Variants in AGBL4 observed in about 807,000 individuals in gnomAD.
AGBL4 encodes cytosolic carboxypeptidase 6.
A neutral mutation model predicts 66.4 loss-of-function variants in AGBL4; 58 were observed. The ratio of observed to expected loss-of-function variants is 0.87; its 90% confidence interval spans 0.71 to 1.09. The LOEUF (loss-of-function observed/expected upper bound fraction) is 1.09, where lower values mean the gene tolerates loss of function less well. Among genes scored for constraint, AGBL4 ranks in the 50% least tolerant of loss-of-function variants. The pLI is 0.00. For missense variants in AGBL4, 579 were observed against 631.0 expected, an observed-to-expected ratio of 0.92 and a Z score of 0.88; for synonymous variants, 234 against 222.9, an observed-to-expected ratio of 1.05 and a Z score of -0.44.
rs763236481 is a variant in AGBL4 at position 48,867,180 on chromosome 1, C to A, written c.634+11G>T. 9.9e-6 allele frequency: 16 copies of A among 1,613,154 alleles called. No individual in the cohort carries two copies. In the African/African-American group the frequency reaches 2.0e-4, roughly 20 times the overall value. On this transcript the variant is annotated intron_variant, in intron 6 of 13. Transcript: ENST00000371839. ...GGGAAAAGCAAAGGCAGAAGGGCCA[C>A]GCCTACTCACCAGGGCTGGTTATCG...
intron 8 of AGBL4, among the ~76,000 whole-genome samples, chr1:48,650,976 C>T (rs1031178226): frequency 8.5e-5 from 13 of 152,248 alleles, no homozygotes; most frequent in Non-Finnish European, 1.6e-4. Flanking sequence ...CATGGAAGTA[C>T]TGCTGTAGAG....
chr1:48,982,437 C>T (rs1659851393), intron 5 of AGBL4, among the ~76,000 whole-genome samples: 3 of 151,876 alleles, frequency 2.0e-5, no homozygotes, highest in Admixed American at 2.0e-4. Context: ...TGAGTGAGAA[C>T]ATGAGGTGTT....
At chr1:49,206,497 T>G (rs1648141333) in intron 4 of AGBL4, among the ~76,000 whole-genome samples, 1 of 152,098 alleles carries the variant, frequency 6.6e-6, no homozygotes, top group Non-Finnish European at 1.5e-5. Context: ...TCTTTTCAGT[T>G]AAGGCAAACC....
intron 3 of AGBL4, among the ~76,000 whole-genome samples, chr1:49,427,475 G>A (rs199566147): frequency 2.3e-4 from 35 of 152,200 alleles, no homozygotes; most frequent in Non-Finnish European, 4.7e-4. Context: ...GGTTCCTTCC[G>A]GTGGGTTCTT....
chr1:49,121,863 G>A lies in AGBL4; in HGVS notation c.378-76063C>T, dbSNP rs188678863. On this transcript the variant is annotated intron_variant, in intron 4 of 13. Coordinates refer to ENST00000371839, the MANE Select transcript of AGBL4 (RefSeq NM_032785.4). ...GCCTTGCTGAGCTGCAGTGGGCTCCGCCCATTTCGAGCTTCCCAGCTGCTT... is the reference window on the plus strand; with the variant it reads ...GCCTTGCTGAGCTGCAGTGGGCTCCACCCATTTCGAGCTTCCCAGCTGCTT... Among the ~76,000 whole-genome samples the A allele has an allele frequency of 1.3e-3, 195 of 152,324 alleles. 1 individual carries two copies. Among genetic ancestry groups the A allele is most frequent in the African/African-American group, 3.6e-3 (151 of 41,572 alleles).
At chr1:49,799,168 C>A (rs544525959) in intron 2 of AGBL4, among the ~76,000 whole-genome samples, 2 of 152,068 alleles carry the variant, frequency 1.3e-5, no homozygotes, top group Admixed American at 6.6e-5. Context: ...TTAAAAGCAC[C>A]CTTTGGCCAC....
chr1:49,456,363 G>A (rs1188338296), intron 3 of AGBL4, among the ~76,000 whole-genome samples: 1 of 151,676 alleles, frequency 6.6e-6, no homozygotes, highest in Non-Finnish European at 1.5e-5. Flanking sequence ...TTGTATGCAC[G>A]AACAGCTGCA....
chr1:49,728,729 C>T (rs1558196884), intron 2 of AGBL4, among the ~76,000 whole-genome samples: 1 of 152,182 alleles, frequency 6.6e-6, no homozygotes, highest in Admixed American at 6.5e-5. Flanking sequence ...CTGTTCTGCT[C>T]CTAGTAAGAA....
At chr1:49,633,848 AATAT>A (rs1002501431) in intron 3 of AGBL4, among the ~76,000 whole-genome samples, 3 of 148,150 alleles carry the variant, frequency 2.0e-5, no homozygotes, top group African/African-American at 7.3e-5. Flanking sequence ...CATATTATAT[AATAT>A]AGTTACATAT....
intron 1 of AGBL4, among the ~76,000 whole-genome samples, chr1:49,947,472 G>A (rs996252096): frequency 3.3e-5 from 5 of 151,722 alleles, no homozygotes; most frequent in Non-Finnish European, 7.4e-5. Flanking sequence ...TGCAGCAAAA[G>A]CATTTGACAA....
intron 3 of AGBL4, among the ~76,000 whole-genome samples, chr1:49,455,653 C>A (rs887559415): frequency 1.3e-5 from 2 of 151,630 alleles, no homozygotes; most frequent in African/African-American, 2.4e-5. Context: ...CATTATAAAT[C>A]AGCTTATGTC....
downstream of AGBL4, among the ~76,000 whole-genome samples, chr1:48,530,305 A>T (rs1643898476): frequency 6.6e-6 from 1 of 152,212 alleles, no homozygotes; most frequent in Non-Finnish European, 1.5e-5. Context: ...CAATGGATAC[A>T]AAGGGATCTA....
At chr1:49,850,261 G>A (rs569917414) in intron 2 of AGBL4, among the ~76,000 whole-genome samples, 36 of 152,300 alleles carry the variant, frequency 2.4e-4, no homozygotes, top group Admixed American at 6.5e-4. Flanking sequence ...TGAAGGCAGA[G>A]ATTAGAGTGA....
At chr1:48,814,769 A>C (rs1318360688) in intron 6 of AGBL4, among the ~76,000 whole-genome samples, 1 of 152,116 alleles carries the variant, frequency 6.6e-6, no homozygotes, top group East Asian at 1.9e-4. Context: ...CTAGTATTCC[A>C]TTGTGTATAT....
At chr1:49,666,615 G>T (rs1646375407) in intron 3 of AGBL4, among the ~76,000 whole-genome samples, 1 of 151,444 alleles carries the variant, frequency 6.6e-6, no homozygotes, top group Non-Finnish European at 1.5e-5. Context: ...ATTAAAAAAT[G>T]GCTTTACAAA....
chr1:49,173,321 T>C (rs773800284), intron 4 of AGBL4, among the ~76,000 whole-genome samples: 5 of 152,228 alleles, frequency 3.3e-5, no homozygotes, highest in African/African-American at 4.8e-5. Context: ...GCCATTATTT[T>C]ACTGATTGGA....
intron 4 of AGBL4, among the ~76,000 whole-genome samples, chr1:49,072,006 C>T (rs1055507178): frequency 1.3e-5 from 2 of 152,124 alleles, no homozygotes; most frequent in African/African-American, 2.4e-5. Context: ...TAATGGCCTT[C>T]TTTGTCTCTT....
intron 1 of AGBL4, chr1:49,994,985 G>A: frequency 2.7e-6 from 1 of 373,710 alleles, no homozygotes; most frequent in South Asian, 2.0e-5. Flanking sequence ...AGCCCCGTGG[G>A]CACTCTTGGT....
At chr1:49,096,407 C>G (rs371391698) in intron 4 of AGBL4, among the ~76,000 whole-genome samples, 5,629 of 151,864 alleles carry the variant, frequency 0.037, 139 homozygotes, top group Non-Finnish European at 0.058. Context: ...TATTGCGGCA[C>G]TATTCACAAC....
Sources: gnomAD v4.1 joint callset for allele counts (sites outside exome capture counted in the v4.1 genomes callset) on GRCh38, gnomAD v4.1.1 for gene constraint, MANE v1.5 for transcripts, NCBI Gene and HGNC (gene_info 2026-07-23, HGNC 2026-07-21) for gene names.